ITPRID1: variants seen among roughly 807,000 people sequenced by gnomAD.
ITPRID1 encodes ITPR interacting domain containing 1.
In ITPRID1, 96 loss-of-function variants were observed where a neutral mutation model predicts 95.4. That is an observed-to-expected ratio of 1.01 (90% CI 0.85 to 1.19). The LOEUF (loss-of-function observed/expected upper bound fraction) is 1.19, where lower values mean the gene tolerates loss of function less well. ITPRID1 is among the 50% of genes most tolerant of loss of function. ITPRID1 has a pLI of 0.00. For synonymous variants in ITPRID1, 510 were observed against 453.6 expected (o/e 1.12, Z -1.58); for missense variants, 1,339 against 1,252.9 (o/e 1.07, Z -1.04).
chr7:31,562,733 C>T (rs1254872610), intron 5 of ITPRID1, among the ~76,000 whole-genome samples: 1 of 152,196 alleles, frequency 6.6e-6, no homozygotes, highest in Non-Finnish European at 1.5e-5. Context: ...AACTTTTCTA[C>T]AAGACCCTCT....
At chr7:31,640,207 C>T (rs1789893639) in intron 10 of ITPRID1, among the ~76,000 whole-genome samples, 1 of 152,162 alleles carries the variant, frequency 6.6e-6, no homozygotes. Context: ...CCTCAATGTC[C>T]TGTGAAATAG....
rs1791271828 is a variant in ITPRID1 at position 31,655,747 on chromosome 7, C to T, written c.*2918C>T. 2.0e-6 allele frequency: 2 copies of T among 985,626 alleles called. No individual in the cohort carries two copies. Among genetic ancestry groups the T allele is most frequent in the Non-Finnish European group, 1.2e-6 (1 of 830,000 alleles). The allele number at this position is 985,626 out of a possible 1,614,324, so 61.1% of individuals were successfully genotyped here. A position where few individuals can be genotyped will look rare whatever the true frequency, so the allele number is the denominator to read the frequency against. ...GCATTTGTGCCTCCAAATCGTTTCC[C>T]TTGCTAAACTCCTAAGCTTTTTACT... On this transcript the variant is annotated 3_prime_UTR_variant, in exon 15 of 15. Coordinates refer to ENST00000615280, the MANE Select transcript of ITPRID1 (RefSeq NM_001257967.3).
chr7:31,522,180 A>G (rs1381875803), intron 1 of ITPRID1, among the ~76,000 whole-genome samples: 2 of 152,112 alleles, frequency 1.3e-5, no homozygotes, highest in Admixed American at 6.5e-5. Context: ...GCTGCTCCCT[A>G]TAGATCCAGC....
chr7:31,645,292 A>T (rs1790368867), intron 12 of ITPRID1, among the ~76,000 whole-genome samples: 1 of 152,240 alleles, frequency 6.6e-6, no homozygotes, highest in Admixed American at 6.5e-5. Context: ...ATGTATAGAA[A>T]TCACATTACA....
chr7:31,545,282 G>A (rs1784060376), intron 1 of ITPRID1, among the ~76,000 whole-genome samples: 1 of 152,106 alleles, frequency 6.6e-6, no homozygotes, highest in South Asian at 2.1e-4. Context: ...TGTGCATCCA[G>A]AATATGGTGT....
At chr7:31,619,642 A>C (rs565842680) in intron 10 of ITPRID1, among the ~76,000 whole-genome samples, 12 of 152,250 alleles carry the variant, frequency 7.9e-5, no homozygotes, top group East Asian at 2.0e-4. Context: ...ATGGCCGAAT[A>C]GGAACAGCTC....
Position 31,643,517 on chromosome 7 carries a change from T to C in ITPRID1, c.2147T>C (p.Leu716Pro). 6.2e-7 allele frequency: 1 copy of C among 1,614,018 alleles called. No homozygotes were observed. Among genetic ancestry groups the C allele is most frequent in the Non-Finnish European group, 8.5e-7 (1 of 1,179,908 alleles). The change falls in exon 12 of 15, where the codon CTG (leucine) becomes CCG (proline). Residue 716 changes from leucine to proline, a missense_variant. By Grantham distance (98) the Leu-to-Pro change is moderately conservative. Transcript: ENST00000615280. ...GTAATGACCCAGATGTCCTCCAGCC[T>C]GGTGTCGGCTGCTCAGAGGGCTGTG... is the stretch of plus-strand genomic sequence containing the variant. Reference protein sequence around the residue: ...RSVMTQMSSSLVSAAQRAVAL... With the variant: ...RSVMTQMSSSPVSAAQRAVAL...
At chr7:31,521,554 G>A (rs1042542200) in intron 1 of ITPRID1, among the ~76,000 whole-genome samples, 1 of 152,000 alleles carries the variant, frequency 6.6e-6, no homozygotes, top group Non-Finnish European at 1.5e-5. Context: ...GATTATCTCT[G>A]AGACCTCAGT....
intron 10 of ITPRID1, among the ~76,000 whole-genome samples, chr7:31,584,523 G>A (rs976498788): frequency 2.6e-5 from 4 of 151,282 alleles, no homozygotes; most frequent in African/African-American, 4.8e-5. Flanking sequence ...CATGTAAGTC[G>A]CCCCAATCAT....
chr7:31,613,867 ATAC>A (rs1170088762), intron 10 of ITPRID1, among the ~76,000 whole-genome samples: 1 of 152,190 alleles, frequency 6.6e-6, no homozygotes, highest in African/African-American at 2.4e-5. Context: ...TCTTGCTTGA[ATAC>A]TATGTTATGA....
chr7:31,566,231 A>G (rs530334209), intron 5 of ITPRID1, among the ~76,000 whole-genome samples: 1 of 152,336 alleles, frequency 6.6e-6, no homozygotes, highest in East Asian at 1.9e-4. Flanking sequence ...AAACTCAGCA[A>G]GGCTGAGCTA....
chr7:31,516,837 C>T (rs2190444), intron 1 of ITPRID1, among the ~76,000 whole-genome samples: 36,822 of 151,996 alleles, frequency 0.24, 4,574 homozygotes, highest in East Asian at 0.41. Flanking sequence ...TTCTCGGTCT[C>T]GCTGACTTCA....
intron 10 of ITPRID1, among the ~76,000 whole-genome samples, chr7:31,624,642 A>C (rs1289885362): frequency 3.3e-5 from 5 of 149,550 alleles, no homozygotes; most frequent in East Asian, 2.0e-4. Flanking sequence ...TAAAGACTTA[A>C]ACGTTAGACC....
At chr7:31,529,643 C>A in intron 1 of ITPRID1, 1 of 801,008 alleles carries the variant, frequency 1.2e-6, no homozygotes, top group Non-Finnish European at 1.9e-6. Flanking sequence ...CTATGACCAA[C>A]TTTTAAATAG....
At chr7:31,556,326 A>G (rs1050138546) in intron 5 of ITPRID1, among the ~76,000 whole-genome samples, 2 of 152,164 alleles carry the variant, frequency 1.3e-5, no homozygotes, top group African/African-American at 4.8e-5. Context: ...TTACACGTTT[A>G]ACTGAGCCTT....
chr7:31,577,942 A>C lies in ITPRID1; in HGVS notation c.678A>C (p.Pro226=). The C allele has an allele frequency of 1.2e-6, 2 of 1,613,752 alleles. No homozygotes were observed. The highest frequency in any genetic ancestry group is 1.7e-6 in the Non-Finnish European group (2 of 1,179,806). The change falls in exon 9 of 15, where the codon CCA becomes CCC. Residue 226 remains proline (P), a synonymous_variant. Transcript: ENST00000615280. ...TGCTGAGTGATGTCAGCATCCTGCC[A>C]AACAGAGCTGAAGAGAAAGCTGGAG... ...SSLLSDVSIL[P]NRAEEKAGGE...
chr7:31,516,005 A>G (rs1222599473), intron 1 of ITPRID1, among the ~76,000 whole-genome samples: 1 of 152,162 alleles, frequency 6.6e-6, no homozygotes, highest in Admixed American at 6.5e-5. Context: ...TTTGCCAACA[A>G]AATATTAGGT....
chr7:31,654,391 C>A lies in ITPRID1; in HGVS notation c.*1562C>A, dbSNP rs1385526021. Among the ~76,000 whole-genome samples, 1 of 152,164 alleles carries A rather than the reference C, an allele frequency of 6.6e-6. No homozygotes were observed. Among genetic ancestry groups the A allele is most frequent in the Non-Finnish European group, 1.5e-5 (1 of 68,028 alleles). ...GAGAGGGGATCGGTCAGACTATAGG[C>A]CATGACCAAGTCTTTGCATCTGAAT... is the stretch of plus-strand genomic sequence containing the variant. On this transcript the variant is annotated 3_prime_UTR_variant, in exon 15 of 15. Transcript: ENST00000615280.
chr7:31,543,139 TC>T (rs1397669057), intron 1 of ITPRID1, among the ~76,000 whole-genome samples: 1 of 152,088 alleles, frequency 6.6e-6, no homozygotes, highest in East Asian at 1.9e-4. Flanking sequence ...GAAAACAATT[TC>T]CAGGGCCTAG....
Sources: allele counts gnomAD v4.1 joint callset (sites outside exome capture counted in the v4.1 genomes callset), GRCh38; gene constraint gnomAD v4.1.1; transcripts MANE v1.5; gene names NCBI Gene and HGNC (gene_info 2026-07-23, HGNC 2026-07-21).